Variants in DHX8 observed in about 807,000 individuals in gnomAD.
The protein encoded by DHX8 is ATP-dependent RNA helicase DHX8.
In DHX8, 67 loss-of-function variants were observed where a neutral mutation model predicts 140.7. The ratio of observed to expected loss-of-function variants is 0.48; its 90% CI spans 0.39 to 0.58. The LOEUF (loss-of-function observed/expected upper bound fraction) is 0.58, where lower values mean the gene tolerates loss of function less well. DHX8 is among the 20% of genes least tolerant of loss of function. DHX8 has a pLI of 0.00. For missense variants in DHX8, 887 were observed against 1,550.7 expected, an observed-to-expected ratio of 0.57 and a Z score of 7.19; for synonymous variants, 533 against 553.2, an observed-to-expected ratio of 0.96 and a Z score of 0.51.
chr17:43,537,113 C>T (rs566395972), intron 3 of DHX8, among the ~76,000 whole-genome samples: 1 of 152,346 alleles, frequency 6.6e-6, no homozygotes, highest in East Asian at 1.9e-4. Flanking sequence ...CGCCTATAAT[C>T]CCAGCACTTT....
At chr17:43,528,676 G>A (rs58471799), downstream of DHX8, 291 of 1,614,184 alleles carry the variant, frequency 1.8e-4, no homozygotes, top group East Asian at 4.6e-3. Flanking sequence ...CTGATTGTCC[G>A]GGAAGGCCAA....
In DHX8 at chr17:43,525,585, A is replaced by G. The variant is rs568570848; in HGVS notation, c.*1738A>G. The G allele has an allele frequency of 1.4e-5, 14 of 985,508 alleles. No individual in the cohort carries two copies. Among genetic ancestry groups the G allele is most frequent in the Admixed American group, 6.1e-5 (1 of 16,270 alleles). 61.0% of individuals were successfully genotyped at this position (985,508 alleles called of 1,614,324 possible). A position where few individuals can be genotyped will look rare whatever the true frequency, so the allele number is the denominator to read the frequency against. On this transcript the variant is annotated 3_prime_UTR_variant, in exon 23 of 23. Transcript: ENST00000262415. Reference sequence around the variant, plus strand: ...GGGGAGAGACAGTACAGGGACCTCAAATGAAACCAAAGGGGAAACGGGGAC... The same window carrying G: ...GGGGAGAGACAGTACAGGGACCTCAGATGAAACCAAAGGGGAAACGGGGAC...
downstream of DHX8, chr17:43,530,562 A>T: frequency 1.8e-6 from 1 of 564,008 alleles, no homozygotes; most frequent in Non-Finnish European, 2.7e-6. Context: ...CAGAATGGAC[A>T]AAAATGTCCG....
chr17:43,508,635 TC>T, intron 16 of DHX8, 115 bp downstream of exon 16: 1 of 626,956 alleles, frequency 1.6e-6, no homozygotes, highest in Non-Finnish European at 2.6e-6. Context: ...TTTTTTTTTT[TC>T]CTCGAGGCAG....
intron 16 of DHX8, among the ~76,000 whole-genome samples, chr17:43,511,475 T>TTTTTTTTTTTTTTTTTTTA (rs1969830286): frequency 7.1e-6 from 1 of 140,722 alleles, no homozygotes; most frequent in Non-Finnish European, 1.5e-5. Flanking sequence ...TTTTTTTTTT[T>TTTTTTTTTTTTTTTTTTTA]GAGACAGAGT....
downstream of DHX8, chr17:43,526,426 TCA>T: frequency 6.5e-7 from 1 of 1,530,454 alleles, no homozygotes; most frequent in Non-Finnish European, 8.7e-7. Flanking sequence ...CGCAGCTGGG[TCA>T]GGCTCCTCGG....
chr17:43,503,939 T>TGGTG (rs1045808477), intron 11 of DHX8, among the ~76,000 whole-genome samples: 1 of 151,900 alleles, frequency 6.6e-6, no homozygotes, highest in African/African-American at 2.4e-5. Flanking sequence ...AGACCTGGCT[T>TGGTG]GGTGGCTCAT....
chr17:43,520,247 C>T lies in DHX8; in HGVS notation c.2917C>T (p.Leu973Phe), dbSNP rs1215011550. The change falls in exon 19 of 23, where the codon CTC becomes TTC. Residue 973 changes from leucine (L) to phenylalanine (F), a missense_variant. Leu to Phe is a conservative substitution (Grantham distance 22). Transcript: ENST00000262415. ...GGGGGCCCTGGATGACGAGGGCCTG[C>T]TCACTCGCTTGGGCCGCCGGGTAAG... ...TLGALDDEGL[L>F]TRLGRRMAEF... The T allele has an allele frequency of 6.2e-7, 1 of 1,614,116 alleles. No homozygotes were observed. Among genetic ancestry groups the T allele is most frequent in the Non-Finnish European group, 8.5e-7 (1 of 1,180,002 alleles).
intron 21 of DHX8, 119 bp downstream of exon 21, chr17:43,521,684 C>A: frequency 2.1e-6 from 2 of 956,406 alleles, no homozygotes; most frequent in Non-Finnish European, 1.6e-6. Context: ...CCTCACATAA[C>A]CCTTTTCCTC....
chr17:43,500,448 G>A (rs1283461874), intron 11 of DHX8, among the ~76,000 whole-genome samples: 1 of 151,832 alleles, frequency 6.6e-6, no homozygotes, highest in Non-Finnish European at 1.5e-5. Context: ...GATCAGGCAA[G>A]TGTACTCCAG....
At chr17:43,521,246 A>T in intron 20 of DHX8, 123 bp from the exon 21 acceptor site, 1 of 791,176 alleles carries the variant, frequency 1.3e-6, no homozygotes, top group Non-Finnish European at 2.0e-6. Flanking sequence ...TACAGGCCTG[A>T]GCCATCATGC....
rs376495417 is a variant in DHX8 at position 43,484,014 on chromosome 17, G to A, written c.-24G>A. ...AGCTCTGAGCGCCGGCTGTGAGGAA[G>A]GAGGTTCTGGGCAAGCTATAGCCAT... On this transcript the variant is annotated 5_prime_UTR_variant, in exon 1 of 23. Transcript: ENST00000262415. The A allele has an allele frequency of 6.2e-7, 1 of 1,613,234 alleles. No homozygotes were observed. The highest frequency in any genetic ancestry group is 8.5e-7 in the Non-Finnish European group (1 of 1,179,532).
At chr17:43,517,464 G>C (rs762811505) in intron 18 of DHX8, 142 bp downstream of exon 18, 15 of 966,286 alleles carry the variant, frequency 1.6e-5, no homozygotes, top group East Asian at 5.6e-5. Flanking sequence ...GCAAATGGCT[G>C]TGATAACAGC....
chr17:43,491,912 C>T (rs1374998974), intron 4 of DHX8, among the ~76,000 whole-genome samples: 1 of 152,120 alleles, frequency 6.6e-6, no homozygotes, highest in African/African-American at 2.4e-5. Context: ...TTAATATAAT[C>T]ATCACTTGCA....
At chr17:43,486,706 C>G (rs1199630124) in intron 1 of DHX8, among the ~76,000 whole-genome samples, 1 of 152,024 alleles carries the variant, frequency 6.6e-6, no homozygotes, top group Non-Finnish European at 1.5e-5. Flanking sequence ...TGGTGAAACC[C>G]TGTCTTACTA....
At chr17:43,507,455 A>G (rs1218316642) in intron 13 of DHX8, 48 bp from the exon 14 acceptor site, 1 of 1,548,100 alleles carries the variant, frequency 6.5e-7, no homozygotes, top group East Asian at 2.3e-5. Flanking sequence ...GGTGATTGGG[A>G]AAAGGAGACA....
In DHX8 at chr17:43,513,352, T is replaced by A. The variant is rs373546808; in HGVS notation, c.2503-10T>A. ...GCACCTCACTCCAGCTTTGCCCCTC[T>A]TGCCTGCAGGTTGTGATTGCCACCA... On this transcript the variant is annotated splice_polypyrimidine_tract_variant and intron_variant, in intron 16 of 22. Coordinates refer to ENST00000262415, the MANE Select transcript of DHX8 (RefSeq NM_004941.3). 5.8e-5 allele frequency: 94 copies of A among 1,611,990 alleles called. No homozygotes were observed. Among genetic ancestry groups the A allele is most frequent in the Non-Finnish European group, 7.9e-5 (93 of 1,179,038 alleles).
In DHX8 at chr17:43,507,953, C is replaced by G; in HGVS notation, c.2254C>G (p.Pro752Ala). 1 of 1,614,196 alleles carries G rather than the reference C, an allele frequency of 6.2e-7. No individual in the cohort carries two copies. The highest frequency in any genetic ancestry group is 1.1e-5 in the South Asian group (1 of 91,074). ...YPVEILYTKE[P>A]ETDYLDASLI... The stretch of plus-strand genomic sequence containing the variant: ...AGTGGAAATACTGTACACAAAGGAA[C>G]CTGAGACAGATTATCTGGATGCCAG... Residue 752 changes from proline (P) to alanine (A), a missense_variant, in exon 15 of 23, where the codon CCT (proline) becomes GCT (alanine). Pro to Ala is a conservative substitution (Grantham distance 27). Around this residue, in one of 9 missense-constraint regions of DHX8, gnomAD observed 151 missense variants for 388.3 expected, o/e 0.39. Coordinates refer to ENST00000262415, the MANE Select transcript of DHX8 (RefSeq NM_004941.3).
chr17:43,519,118 T>G (rs1970252084), intron 18 of DHX8: 1 of 152,218 alleles, frequency 6.6e-6, no homozygotes, highest in Non-Finnish European at 1.5e-5. Context: ...GATATATACC[T>G]AGAAGTGTAA....
Sources: gnomAD v4.1 joint callset for allele counts (sites outside exome capture counted in the v4.1 genomes callset) on GRCh38, gnomAD v4.1.1 for gene constraint, gnomAD v4.1.1 regional missense constraint, MANE v1.5 for transcripts, NCBI Gene and HGNC (gene_info 2026-07-23, HGNC 2026-07-21) for gene names.